The following MAPK8 variants were observed in gnomAD, a reference collection of about 807,000 sequenced individuals.
MAPK8 encodes mitogen-activated protein kinase 8.
A neutral mutation model predicts 52.9 loss-of-function variants in MAPK8; 13 were observed. That is an observed-to-expected ratio of 0.25 (90% confidence interval 0.16 to 0.39). The LOEUF is 0.39. Ranked by LOEUF, MAPK8 falls within the 10% of genes least tolerant of loss-of-function variation. The pLI, the probability that MAPK8 is intolerant of heterozygous loss-of-function variation, is 1.00. For synonymous variants in MAPK8, 191 were observed against 169.8 expected (o/e 1.12, Z -0.97); for missense variants, 300 against 519.2 (o/e 0.58, Z 4.10).
In MAPK8 at chr10:48,409,866, A is replaced by G; in HGVS notation, c.253-13A>G. 1.3e-6 allele frequency: 2 copies of G among 1,583,480 alleles called. No homozygotes were observed. Among genetic ancestry groups the G allele is most frequent in the Non-Finnish European group, 1.7e-6 (2 of 1,158,188 alleles). Reference sequence around the variant, plus strand: ...TAATTTCTAATTTTTCTGTCTCTCGACTTTTATTATAGATAATTGGCCTTT... The same window carrying G: ...TAATTTCTAATTTTTCTGTCTCTCGGCTTTTATTATAGATAATTGGCCTTT... On this transcript the variant is annotated splice_polypyrimidine_tract_variant and intron_variant, in intron 3 of 11. Coordinates refer to ENST00000374189, the MANE Select transcript of MAPK8 (RefSeq NM_001323329.2).
chr10:48,422,001 TTTATC>T (rs1443387110), intron 6 of MAPK8, among the ~76,000 whole-genome samples: 3 of 134,028 alleles, frequency 2.2e-5, no homozygotes, highest in Non-Finnish European at 3.2e-5. Flanking sequence ...ACTCATTTTA[TTTATC>T]TTATTTATTT....
intron 1 of MAPK8, among the ~76,000 whole-genome samples, chr10:48,374,523 C>T (rs1357134727): frequency 6.6e-6 from 1 of 152,056 alleles, no homozygotes; most frequent in Non-Finnish European, 1.5e-5. Flanking sequence ...AGAGAAGACT[C>T]AAATAGATAC....
At chr10:48,313,951 C>T (rs1305787624) in intron 1 of MAPK8, among the ~76,000 whole-genome samples, 2 of 152,040 alleles carry the variant, frequency 1.3e-5, no homozygotes, top group Admixed American at 6.6e-5. Context: ...TGTGAGCCAC[C>T]GCACGTGGCC....
chr10:48,331,775 A>G (rs1023659591), intron 1 of MAPK8, among the ~76,000 whole-genome samples: 3 of 152,214 alleles, frequency 2.0e-5, no homozygotes, highest in Non-Finnish European at 4.4e-5. Context: ...TTTCCATAGT[A>G]GGGAGGATCT....
chr10:48,410,782 T>C (rs1282345781), intron 5 of MAPK8, among the ~76,000 whole-genome samples: 1 of 152,222 alleles, frequency 6.6e-6, no homozygotes, highest in Non-Finnish European at 1.5e-5. Context: ...TTCACATCCT[T>C]GTCAGTACTT....
Position 48,435,215 on chromosome 10 carries a change from A to G in MAPK8, c.*186A>G, listed in dbSNP as rs1398177928. 1 of 472,248 alleles carries G rather than the reference A, an allele frequency of 2.1e-6. No homozygotes were observed. The highest frequency in any genetic ancestry group is 2.0e-5 in the African/African-American group (1 of 50,212). The allele number at this position is 472,248 out of a possible 1,614,324, so 29.3% of individuals were successfully genotyped here. A position where few individuals can be genotyped will look rare whatever the true frequency, so the allele number is the denominator to read the frequency against. On this transcript the variant is annotated 3_prime_UTR_variant, in exon 12 of 12. Coordinates refer to ENST00000374189, the MANE Select transcript of MAPK8 (RefSeq NM_001323329.2). Reference sequence around the variant, plus strand: ...TAATTTAAAACCTAAGTTGTGTTTCAAAACAGCAACAAAACTGTATTGTAT... The same window carrying G: ...TAATTTAAAACCTAAGTTGTGTTTCGAAACAGCAACAAAACTGTATTGTAT...
intron 1 of MAPK8, among the ~76,000 whole-genome samples, chr10:48,327,300 T>G (rs926313579): frequency 3.3e-5 from 5 of 152,186 alleles, no homozygotes; most frequent in African/African-American, 1.2e-4. Flanking sequence ...ATGAGTGGTG[T>G]TAGATTTTGT....
At position 48,438,555 on chromosome 10, in the gene MAPK8, T is replaced by C. The variant is rs751787738; in HGVS notation, c.*3526T>C. 3 of 152,336 alleles carry C rather than the reference T, an allele frequency of 2.0e-5. No homozygotes were observed. Among genetic ancestry groups the C allele is most frequent in the Admixed American group, 6.5e-5 (1 of 15,312 alleles). 9.4% of individuals were successfully genotyped at this position (152,336 alleles called of 1,614,324 possible). A position where few individuals can be genotyped will look rare whatever the true frequency, so the allele number is the denominator to read the frequency against. On this transcript the variant is annotated 3_prime_UTR_variant, in exon 12 of 12. Coordinates refer to ENST00000374189, the MANE Select transcript of MAPK8 (RefSeq NM_001323329.2). ...TCGTTACTGAAACTTTTGAGAAATATTACCTGTGGATTAATTTTGCACAAT... is the reference window on the plus strand; with the variant it reads ...TCGTTACTGAAACTTTTGAGAAATACTACCTGTGGATTAATTTTGCACAAT...
intron 11 of MAPK8, among the ~76,000 whole-genome samples, chr10:48,434,246 T>C (rs1467127602): frequency 2.0e-5 from 3 of 152,238 alleles, no homozygotes; most frequent in Non-Finnish European, 4.4e-5. Flanking sequence ...GACCCAAGTT[T>C]ACTTAACTAG....
At chr10:48,313,592 A>T (rs1310249236) in intron 1 of MAPK8, among the ~76,000 whole-genome samples, 1 of 152,264 alleles carries the variant, frequency 6.6e-6, no homozygotes, top group Non-Finnish European at 1.5e-5. Flanking sequence ...AACTTATTTT[A>T]AAAACGTATT....
intron 1 of MAPK8, among the ~76,000 whole-genome samples, chr10:48,355,824 A>G (rs2132478919): frequency 6.6e-6 from 1 of 152,322 alleles, no homozygotes; most frequent in African/African-American, 2.4e-5. Flanking sequence ...CCTTGTTACA[A>G]TAAAACAGCA....
intron 1 of MAPK8, among the ~76,000 whole-genome samples, chr10:48,311,382 T>C (rs1436690383): frequency 6.6e-6 from 1 of 152,202 alleles, no homozygotes; most frequent in Non-Finnish European, 1.5e-5. Flanking sequence ...TGATTTATAT[T>C]AACATTTGGA....
At chr10:48,327,493 T>G (rs1400834691) in intron 1 of MAPK8, among the ~76,000 whole-genome samples, 1 of 152,208 alleles carries the variant, frequency 6.6e-6, no homozygotes, top group East Asian at 1.9e-4. Flanking sequence ...ACTAATATTT[T>G]GTTGAGGATT....
intron 6 of MAPK8, among the ~76,000 whole-genome samples, chr10:48,422,844 G>A (rs17780725): frequency 0.17 from 25,901 of 151,990 alleles, 2,735 homozygotes; most frequent in South Asian, 0.29. Flanking sequence ...TTCCAGTTTA[G>A]CTCTTAAGAC....
At chr10:48,398,152 C>CAAAATAA (rs2041982252) in intron 1 of MAPK8, among the ~76,000 whole-genome samples, 1 of 151,238 alleles carries the variant, frequency 6.6e-6, no homozygotes. Flanking sequence ...GAAATTATTT[C>CAAAATAA]AAAATAAAAA....
At chr10:48,332,931 T>A (rs1844295512) in intron 1 of MAPK8, among the ~76,000 whole-genome samples, 1 of 152,180 alleles carries the variant, frequency 6.6e-6, no homozygotes, top group South Asian at 2.1e-4. Flanking sequence ...GCATAATAAT[T>A]CACAGGTTTG....
intron 1 of MAPK8, among the ~76,000 whole-genome samples, chr10:48,324,504 T>TTTTTTTTTTTTTTG: frequency 4.7e-5 from 1 of 21,058 alleles, no homozygotes; most frequent in African/African-American, 2.5e-4. Context: ...TGTTTTCTAG[T>TTTTTTTTTTTTTTG]TTTTTTTTTT....
chr10:48,431,176 G>A lies in MAPK8; in HGVS notation c.1061-17G>A, dbSNP rs2044216073. On this transcript the variant is annotated splice_polypyrimidine_tract_variant and intron_variant, in intron 10 of 11. Coordinates refer to ENST00000374189, the MANE Select transcript of MAPK8 (RefSeq NM_001323329.2). ...CTTAGACTTTGAAAAGTTCATTTTT[G>A]TTTACTTCTTTTACAGAATTGATAT... 6.4e-7 allele frequency: 1 copy of A among 1,551,370 alleles called. No homozygotes were observed. Among genetic ancestry groups the A allele is most frequent in the Non-Finnish European group, 8.9e-7 (1 of 1,123,898 alleles).
intron 1 of MAPK8, among the ~76,000 whole-genome samples, chr10:48,338,589 A>G (rs914907704): frequency 5.3e-5 from 8 of 152,066 alleles, no homozygotes; most frequent in Admixed American, 2.6e-4. Context: ...AAGCAATCAG[A>G]CAAAAGAAAT....
Sources: allele counts gnomAD v4.1 joint callset (sites outside exome capture counted in the v4.1 genomes callset), GRCh38; gene constraint gnomAD v4.1.1; transcripts MANE v1.5; gene names NCBI Gene and HGNC (gene_info 2026-07-23, HGNC 2026-07-21).